Variants in GABRB2 observed in about 807,000 individuals in gnomAD.
GABRB2 encodes the protein gamma-aminobutyric acid type A receptor subunit beta2.
GABRB2 carries 16 observed loss-of-function variants against 54.7 expected under a neutral mutation model. The observed-to-expected ratio is 0.29, with a 90% confidence interval of 0.20 to 0.44. The LOEUF is 0.44. Among genes scored for constraint, GABRB2 ranks in the 20% least tolerant of loss-of-function variants. GABRB2 has a pLI of 1.00. For synonymous variants in GABRB2, 244 were observed against 233.8 expected, an observed-to-expected ratio of 1.04 and a Z score of -0.40; for missense variants, 355 against 644.0, an observed-to-expected ratio of 0.55 and a Z score of 4.86.
At chr5:161,492,725 C>T (rs1368450399) in intron 3 of GABRB2, among the ~76,000 whole-genome samples, 1 of 151,608 alleles carries the variant, frequency 6.6e-6, no homozygotes, top group Non-Finnish European at 1.5e-5. Context: ...TACATCTACA[C>T]CACAAAAGGT....
At chr5:161,428,864 G>A (rs1757087881) in intron 4 of GABRB2, among the ~76,000 whole-genome samples, 1 of 151,906 alleles carries the variant, frequency 6.6e-6, no homozygotes, top group Non-Finnish European at 1.5e-5. Context: ...AATAATGAAA[G>A]CACAAAAACA....
chr5:161,393,101 A>G (rs1561634414), intron 5 of GABRB2, among the ~76,000 whole-genome samples: 1 of 151,906 alleles, frequency 6.6e-6, no homozygotes, highest in African/African-American at 2.4e-5. Context: ...AAAAAAATAA[A>G]AACATGAAAG....
rs1757212549 is a variant in GABRB2, at chr5:161,290,652, A to G, written c.*3429T>C. ...TATGTTTATATGAATCTATATATAC[A>G]CATATATACATGTAGATATGTTGTA... On this transcript the variant is annotated 3_prime_UTR_variant, in exon 10 of 10. Coordinates refer to ENST00000393959, the MANE Select transcript of GABRB2 (RefSeq NM_001371727.1). 6.6e-6 allele frequency: 1 copy of G among 152,608 alleles called. No homozygotes were observed. Among genetic ancestry groups the G allele is most frequent in the Non-Finnish European group, 1.5e-5 (1 of 68,006 alleles). 9.5% of individuals were successfully genotyped at this position (152,608 alleles called of 1,614,324 possible).
chr5:161,308,178 T>TTC (rs917569745), intron 9 of GABRB2, among the ~76,000 whole-genome samples: 1 of 152,160 alleles, frequency 6.6e-6, no homozygotes, highest in Non-Finnish European at 1.5e-5. Context: ...TCTTTATATT[T>TTC]TCTCTCTAGC....
chr5:161,383,220 C>T (rs1166709533), intron 5 of GABRB2, among the ~76,000 whole-genome samples: 1 of 152,118 alleles, frequency 6.6e-6, no homozygotes, highest in Admixed American at 6.6e-5. Context: ...ACTTTTCCAT[C>T]TCATACCTGA....
chr5:161,349,165 C>G (rs538990966), intron 5 of GABRB2, among the ~76,000 whole-genome samples: 3 of 152,042 alleles, frequency 2.0e-5, no homozygotes, highest in Non-Finnish European at 2.9e-5. Flanking sequence ...ATACAAAAAG[C>G]CTTGACCAAT....
chr5:161,366,627 G>A (rs1000884213), intron 5 of GABRB2, among the ~76,000 whole-genome samples: 1 of 152,110 alleles, frequency 6.6e-6, no homozygotes, highest in Non-Finnish European at 1.5e-5. Flanking sequence ...AAAAATGCAT[G>A]AATGGTACCC....
At chr5:161,404,260 G>A (rs149672440) in intron 5 of GABRB2, among the ~76,000 whole-genome samples, 94 of 151,952 alleles carry the variant, frequency 6.2e-4, no homozygotes, top group African/African-American at 2.1e-3. Context: ...CCACAACACT[G>A]GACACAATTC....
chr5:161,293,894 C>G lies in GABRB2; in HGVS notation c.*187G>C, dbSNP rs1476224971. 5.1e-6 allele frequency: 3 copies of G among 582,704 alleles called. No individual in the cohort carries two copies. Among genetic ancestry groups the G allele is most frequent in the Non-Finnish European group, 9.1e-6 (3 of 328,148 alleles). 36.1% of individuals were successfully genotyped at this position (582,704 alleles called of 1,614,324 possible). A position where few individuals can be genotyped will look rare whatever the true frequency, so the allele number is the denominator to read the frequency against. Reference sequence around the variant, plus strand: ...CGTTTTAACTGGAAAACCACAAGGACCTTAGTGTATTCATTACTTAGCAGA... The same window carrying G: ...CGTTTTAACTGGAAAACCACAAGGAGCTTAGTGTATTCATTACTTAGCAGA... On this transcript the variant is annotated 3_prime_UTR_variant, in exon 10 of 10. Transcript: ENST00000393959.
intron 5 of GABRB2, among the ~76,000 whole-genome samples, chr5:161,370,515 T>G (rs927767992): frequency 6.6e-6 from 1 of 152,168 alleles, no homozygotes; most frequent in African/African-American, 2.4e-5. Flanking sequence ...ACTCTGTAGA[T>G]CTGTCATTTC....
chr5:161,294,259 T>G lies in GABRB2; in HGVS notation c.1361A>C (p.Asn454Thr). ...TTGCGCCACATGTCGTTCCAGAGCA[T>G]TTCGGCCAAAACTATGCCTGGGCAA... Reference protein sequence around the residue: ...AGLPRHSFGRNALERHVAQKK... With the variant: ...AGLPRHSFGRTALERHVAQKK... Residue 454 changes from asparagine to threonine, a missense_variant, in exon 10 of 10, where the codon AAT (asparagine) becomes ACT (threonine). By Grantham distance (65) the Asn-to-Thr change is moderately conservative. Transcript: ENST00000393959. 1 of 1,614,142 alleles carries G rather than the reference T, an allele frequency of 6.2e-7. No individual in the cohort carries two copies. The highest frequency in any genetic ancestry group is 8.5e-7 in the Non-Finnish European group (1 of 1,179,998).
intron 6 of GABRB2, among the ~76,000 whole-genome samples, chr5:161,336,097 T>A (rs1753982546): frequency 6.6e-6 from 1 of 152,136 alleles, no homozygotes; most frequent in African/African-American, 2.4e-5. Flanking sequence ...GCCGTAAGGG[T>A]GAAGATGGCA....
intron 3 of GABRB2, among the ~76,000 whole-genome samples, chr5:161,468,868 T>C (rs529245431): frequency 1.3e-5 from 2 of 151,844 alleles, no homozygotes; most frequent in Admixed American, 1.3e-4. Context: ...ACCTAACTGT[T>C]CATCAATATA....
intron 5 of GABRB2, among the ~76,000 whole-genome samples, chr5:161,350,498 C>CAGAAAGCTAT (rs1415037960): frequency 7.9e-5 from 12 of 152,012 alleles, no homozygotes; most frequent in African/African-American, 2.9e-4. Context: ...GACCTGTACA[C>CAGAAAGCTAT]AGAAAGCTAT....
intron 3 of GABRB2, among the ~76,000 whole-genome samples, chr5:161,482,415 T>A (rs1273668105): frequency 1.3e-5 from 2 of 152,128 alleles, no homozygotes; most frequent in Non-Finnish European, 2.9e-5. Flanking sequence ...TCCAACATCA[T>A]TTCTTCTCAC....
intron 3 of GABRB2, among the ~76,000 whole-genome samples, chr5:161,534,162 T>C (rs965784661): frequency 2.0e-5 from 3 of 152,216 alleles, no homozygotes; most frequent in African/African-American, 4.8e-5. Context: ...GAAACAATTT[T>C]GCCCCCCAGG....
At chr5:161,519,313 T>C (rs541762040) in intron 3 of GABRB2, among the ~76,000 whole-genome samples, 1 of 152,302 alleles carries the variant, frequency 6.6e-6, no homozygotes, top group African/African-American at 2.4e-5. Context: ...AAAACTACTT[T>C]GCTTGGCATT....
At chr5:161,394,201 G>A (rs974517530) in intron 5 of GABRB2, among the ~76,000 whole-genome samples, 2 of 152,018 alleles carry the variant, frequency 1.3e-5, no homozygotes, top group Admixed American at 6.6e-5. Context: ...TTGGGAAAGT[G>A]AATAAAGCAG....
At chr5:161,524,237 T>C (rs1345171320) in intron 3 of GABRB2, among the ~76,000 whole-genome samples, 1 of 151,360 alleles carries the variant, frequency 6.6e-6, no homozygotes, top group African/African-American at 2.4e-5. Flanking sequence ...CATATGGTAT[T>C]TGGCCATAAA....
Sources: gnomAD v4.1 joint callset for allele counts (sites outside exome capture counted in the v4.1 genomes callset) on GRCh38, gnomAD v4.1.1 for gene constraint, MANE v1.5 for transcripts, NCBI Gene and HGNC (gene_info 2026-07-23, HGNC 2026-07-21) for gene names.